Variants in ZNF836 observed in about 807,000 individuals in gnomAD.
ZNF836 encodes zinc finger protein 836.
Under a neutral mutation model 7.4 loss-of-function variants are expected in ZNF836, and 12 were observed. The observed-to-expected ratio is 1.61, with a 90% CI of 1.03 to 2.61. The LOEUF is 2.61. Among genes scored for constraint, ZNF836 ranks in the 30% most tolerant of loss-of-function variants. ZNF836 has a pLI of 0.00. For synonymous variants in ZNF836, 365 were observed against 382.6 expected, an observed-to-expected ratio of 0.95 and a Z score of 0.54; for missense variants, 998 against 1,126.2, an observed-to-expected ratio of 0.89 and a Z score of 1.63.
In ZNF836 at chr19:52,156,174, A is replaced by G; in HGVS notation, c.1509T>C (p.Cys503=). ...ATGAGCCCTGTTTAAAGGCTTTACC[A>G]CATTTATCACATTTGTAAGGTTTCT... ...TGEKPYKCDK[C]GKAFKQGSLL... The change falls in exon 5 of 5, where the codon TGT becomes TGC. Residue 503 remains cysteine (C), a synonymous_variant. Coordinates refer to ENST00000682614, the MANE Select transcript of ZNF836 (RefSeq NM_001102657.3). 6.2e-7 allele frequency: 1 copy of G among 1,614,162 alleles called. No homozygotes were observed. Among genetic ancestry groups the G allele is most frequent in the African/African-American group, 1.3e-5 (1 of 75,034 alleles).
At chr19:52,162,488 T>G (rs1180819118) in intron 3 of ZNF836, among the ~76,000 whole-genome samples, 1 of 152,220 alleles carries the variant, frequency 6.6e-6, no homozygotes, top group Non-Finnish European at 1.5e-5. Flanking sequence ...TTACAGTTTG[T>G]GTGTTGTAAC....
At position 52,157,147 on chromosome 19, in the gene ZNF836, G is replaced by A. The variant is rs1427910892; in HGVS notation, c.536C>T (p.Pro179Leu). Reference protein sequence around the residue: ...KTVNNSSLVSPLQRILPSVQT... With the variant: ...KTVNNSSLVSLLQRILPSVQT... ...GACACTAGGAAGAATTCTTTGAAGT[G>A]GTGAAACTAGGGAACTGTTATTAAC... Residue 179 changes from proline to leucine, a missense_variant, in exon 5 of 5, where the codon CCA (proline) becomes CTA (leucine). Transcript: ENST00000682614. The A allele has an allele frequency of 1.2e-6, 2 of 1,608,718 alleles. No individual in the cohort carries two copies. The highest frequency in any genetic ancestry group is 1.7e-6 in the Non-Finnish European group (2 of 1,179,308).
intron 3 of ZNF836, among the ~76,000 whole-genome samples, chr19:52,164,444 AGAG>A (rs2089243040): frequency 2.2e-5 from 3 of 134,014 alleles, no homozygotes; most frequent in South Asian, 2.3e-4. Context: ...AGAGAGAGAG[AGAG>A]AAAAGGAAGG....
chr19:52,157,496 T>C lies in ZNF836; in HGVS notation c.187A>G (p.Asn63Asp), dbSNP rs2089176642. ...TGGCATTTTTCTCCTGTATTACTGTTCCCTATTGGTGGTAATTCCTTGGTC... is the reference window on the plus strand; with the variant it reads ...TGGCATTTTTCTCCTGTATTACTGTCCCCTATTGGTGGTAATTCCTTGGTC... Reference protein sequence around the residue: ...CMTKELPPIGNSNTGEKCQTV... With the variant: ...CMTKELPPIGDSNTGEKCQTV... Residue 63 changes from asparagine to aspartate, a missense_variant, in exon 5 of 5, where the codon AAC becomes GAC. Transcript: ENST00000682614. 4 of 1,563,422 alleles carry C rather than the reference T, an allele frequency of 2.6e-6. No individual in the cohort carries two copies. The highest frequency in any genetic ancestry group is 3.4e-6 in the Non-Finnish European group (4 of 1,160,650).
In ZNF836 at chr19:52,155,115, G is replaced by A. The variant is rs747947424; in HGVS notation, c.2568C>T (p.His856=). Residue 856 remains histidine, a synonymous_variant, in exon 5 of 5, where the codon CAC becomes CAT. Transcript: ENST00000682614. The part of the protein sequence containing the change: ...RSKLVYHQRN[H]TGEKPYKCIE... ...TACATTTGTATGGCTTCTCTCCAGTGTGATTTCTTTGATGGTACACCAGCT... is the reference window on the plus strand; with the variant it reads ...TACATTTGTATGGCTTCTCTCCAGTATGATTTCTTTGATGGTACACCAGCT... The A allele has an allele frequency of 6.2e-7, 1 of 1,614,036 alleles. No homozygotes were observed. Among genetic ancestry groups the A allele is most frequent in the Non-Finnish European group, 8.5e-7 (1 of 1,179,960 alleles).
chr19:52,165,722 C>A (rs886902331), intron 3 of ZNF836, among the ~76,000 whole-genome samples: 5 of 152,188 alleles, frequency 3.3e-5, no homozygotes, highest in African/African-American at 1.2e-4. Context: ...TCTCCACTAC[C>A]CTGAGCTGCA....
chr19:52,167,472 C>CAA (rs1165727472), intron 3 of ZNF836, among the ~76,000 whole-genome samples: 3,172 of 42,958 alleles, frequency 0.074, 237 homozygotes, highest in African/African-American at 0.15. Flanking sequence ...AACTCCGTCT[C>CAA]AAAAAAAAAA....
chr19:52,160,558 A>G lies in ZNF836; in HGVS notation c.49T>C (p.Phe17Leu), dbSNP rs1249291517. The G allele has an allele frequency of 5.6e-6, 9 of 1,613,212 alleles. No individual in the cohort carries two copies. Among genetic ancestry groups the G allele is most frequent in the Middle Eastern group, 1.6e-4 (1 of 6,080 alleles). Reference protein sequence around the residue: ...PLTFRDVAIEFSQEEWKSLDP... With the variant: ...PLTFRDVAIELSQEEWKSLDP... The stretch of plus-strand genomic sequence containing the variant: ...AGGGATTTCCACTCCTCCTGAGAGA[A>G]TTCTATGGCTACATCCCTGAATGTC... Residue 17 changes from phenylalanine to leucine, a missense_variant, in exon 4 of 5, where the codon TTC becomes CTC. Phe to Leu is a conservative substitution (Grantham distance 22). Coordinates refer to ENST00000682614, the MANE Select transcript of ZNF836 (RefSeq NM_001102657.3).
In ZNF836 at chr19:52,156,637, T is replaced by C; in HGVS notation, c.1046A>G (p.Gln349Arg). The C allele has an allele frequency of 6.2e-7, 1 of 1,613,502 alleles. No individual in the cohort carries two copies. Among genetic ancestry groups the C allele is most frequent in the Non-Finnish European group, 8.5e-7 (1 of 1,179,540 alleles). ...TGGTTTCTCTCCTGTATGGATTATC[T>C]GATGTGTAGTGAGGCATGAGCCTTG... Reference protein sequence around the residue: ...FKQGSCLTTHQIIHTGEKPYQ... With the variant: ...FKQGSCLTTHRIIHTGEKPYQ... The change falls in exon 5 of 5, where the codon CAG becomes CGG. Residue 349 changes from glutamine (Q) to arginine (R), a missense_variant. Gln to Arg is a conservative substitution (Grantham distance 43). Transcript: ENST00000682614.
At chr19:52,159,967 G>C (rs1190818540) in intron 4 of ZNF836, among the ~76,000 whole-genome samples, 1 of 152,056 alleles carries the variant, frequency 6.6e-6, no homozygotes. Flanking sequence ...GCAGACTGCC[G>C]AGCTCAGGAG....
rs769683779 is a variant in ZNF836, at chr19:52,156,854, C to T, written c.829G>A (p.Gly277Ser). 1 of 1,614,140 alleles carries T rather than the reference C, an allele frequency of 6.2e-7. No individual in the cohort carries two copies. The highest frequency in any genetic ancestry group is 2.2e-5 in the East Asian group (1 of 44,872). Residue 277 changes from glycine (G) to serine (S), a missense_variant, in exon 5 of 5, where the codon GGT (glycine) becomes AGT (serine). Transcript: ENST00000682614. ...VHTRGKPYQC[G>S]VCGKIFRQNS... ...TGTCTGAAGATCTTGCCACATACAC[C>T]ACATTGATATGGCTTCCCCCTTGTA...
At position 52,154,524 on chromosome 19, in the gene ZNF836, T is replaced by A. The variant is rs1422514164; in HGVS notation, c.*348A>T. 6.0e-6 allele frequency: 1 copy of A among 167,548 alleles called. No homozygotes were observed. The highest frequency in any genetic ancestry group is 1.7e-4 in the East Asian group (1 of 5,766). 10.4% of individuals were successfully genotyped at this position (167,548 alleles called of 1,614,324 possible). ...AAATACAAAAATTAGCCAGGCATGG[T>A]GGTGTGCACCTGTAGTCCCAGCTAC... On this transcript the variant is annotated 3_prime_UTR_variant, in exon 5 of 5. Coordinates refer to ENST00000682614, the MANE Select transcript of ZNF836 (RefSeq NM_001102657.3).
At chr19:52,157,948 C>G (rs1373025689) in intron 4 of ZNF836, among the ~76,000 whole-genome samples, 2 of 151,852 alleles carry the variant, frequency 1.3e-5, no homozygotes, top group African/African-American at 2.4e-5. Flanking sequence ...ATATTGAAAA[C>G]ATACTACACT....
chr19:52,160,480 T>A lies in ZNF836; in HGVS notation c.127A>T (p.Asn43Tyr), dbSNP rs1470635734. 1.2e-6 allele frequency: 2 copies of A among 1,614,008 alleles called. No homozygotes were observed. The highest frequency in any genetic ancestry group is 1.7e-6 in the Non-Finnish European group (2 of 1,180,026). ...YWDVMLENYR[N>Y]LVFLGILPKC... ...TTATCCTTACCCAGGAAGACCAGGT[T>A]CCTGTAGTTCTCCAACATCACATCC... Residue 43 changes from asparagine (N) to tyrosine (Y), a missense_variant, in exon 4 of 5, where the codon AAC (asparagine) becomes TAC (tyrosine). Asn to Tyr is a moderately radical substitution (Grantham distance 143, BLOSUM62 -2). Coordinates refer to ENST00000682614, the MANE Select transcript of ZNF836 (RefSeq NM_001102657.3).
intron 3 of ZNF836, among the ~76,000 whole-genome samples, chr19:52,163,809 CCA>C (rs1312447538): frequency 6.6e-6 from 1 of 151,120 alleles, no homozygotes; most frequent in African/African-American, 2.4e-5. Context: ...GACTGCAGCA[CCA>C]GAGTCTTCAA....
At chr19:52,170,067 A>C (rs759357114) in intron 1 of ZNF836, among the ~76,000 whole-genome samples, 1 of 152,154 alleles carries the variant, frequency 6.6e-6, no homozygotes, top group Non-Finnish European at 1.5e-5. Flanking sequence ...TAAAGTCACA[A>C]ATTAGAATAT....
Position 52,168,084 on chromosome 19 carries a change from T to A in ZNF836, c.-12A>T. The A allele has an allele frequency of 6.2e-7, 1 of 1,612,242 alleles. No individual in the cohort carries two copies. The highest frequency in any genetic ancestry group is 1.1e-5 in the South Asian group (1 of 90,914). On this transcript the variant is annotated 5_prime_UTR_variant, in exon 3 of 5. Coordinates refer to ENST00000682614, the MANE Select transcript of ZNF836 (RefSeq NM_001102657.3). ...TGTGTAAGAGCCATCCCTGACTCCT[T>A]TTCTTTCCTCTTCTTCCTCTTCTGG...
At chr19:52,162,313 C>T (rs960378351) in intron 3 of ZNF836, among the ~76,000 whole-genome samples, 8 of 152,182 alleles carry the variant, frequency 5.3e-5, no homozygotes, top group African/African-American at 1.9e-4. Context: ...CTGAGCATTG[C>T]CTTAGTGGGG....
intron 1 of ZNF836, 21 bp downstream of exon 1, chr19:52,171,315 G>A (rs1401529307): frequency 3.9e-5 from 6 of 152,456 alleles, no homozygotes; most frequent in Admixed American, 3.9e-4. Context: ...AAACCGAAAG[G>A]GAAGCAATTA....
Sources: allele counts gnomAD v4.1 joint callset (sites outside exome capture counted in the v4.1 genomes callset), GRCh38; gene constraint gnomAD v4.1.1; transcripts MANE v1.5; gene names NCBI Gene and HGNC (gene_info 2026-07-23, HGNC 2026-07-21).